Variants in FAT3 observed in about 807,000 individuals in gnomAD.
FAT3 encodes the protein FAT atypical cadherin 3.
Under a neutral mutation model 310.2 loss-of-function variants are expected in FAT3, and 95 were observed. The observed-to-expected ratio is 0.31, with a 90% CI of 0.26 to 0.36. The LOEUF is 0.36. Among genes scored for constraint, FAT3 ranks in the 10% least tolerant of loss-of-function variants. FAT3 has a pLI of 1.00. For missense variants in FAT3, 5,408 were observed against 5,715.6 expected (o/e 0.95, Z 1.74); for synonymous variants, 2,314 against 2,192.9 (o/e 1.06, Z -1.54).
rs1280467073 is a variant in FAT3 at position 92,800,570 on chromosome 11, A to G, written c.7557A>G (p.Arg2519=). 8.7e-6 allele frequency: 14 copies of G among 1,613,704 alleles called. No homozygotes were observed. The highest frequency in any genetic ancestry group is 1.3e-5 in the African/African-American group (1 of 74,928). The change falls in exon 10 of 28, where the codon CGA becomes CGG. Residue 2519 remains arginine (R), a synonymous_variant. Coordinates refer to ENST00000525166, the MANE Select transcript of FAT3 (RefSeq NM_001367949.2). The part of the protein sequence containing the change: ...VAAGTKVIHV[R]ATDGDPGTYG... ...CAGGAACAAAGGTAATTCATGTTCGAGCCACAGATGGTGATCCAGGGACTT... is the reference window on the plus strand; with the variant it reads ...CAGGAACAAAGGTAATTCATGTTCGGGCCACAGATGGTGATCCAGGGACTT...
At chr11:92,629,000 T>C (rs1941443897) in intron 3 of FAT3, among the ~76,000 whole-genome samples, 1 of 152,252 alleles carries the variant, frequency 6.6e-6, no homozygotes, top group South Asian at 2.1e-4. Context: ...CTTTTCATAA[T>C]GTGGTAGAAC....
At chr11:92,652,948 A>C (rs943784335) in intron 3 of FAT3, among the ~76,000 whole-genome samples, 1 of 152,130 alleles carries the variant, frequency 6.6e-6, no homozygotes, top group African/African-American at 2.4e-5. Context: ...AGATCACCTG[A>C]GGTCAGGAGT....
rs147032328 is a variant in FAT3 at position 92,357,192 on chromosome 11, A to G, written c.3292+1788A>G. On this transcript the variant is annotated intron_variant, in intron 2 of 27. Transcript: ENST00000525166. The stretch of plus-strand genomic sequence containing the variant: ...ACAATGAGTTCATCGAGTACTTACA[A>G]TGTGCCAGACACTGTACAGAGGGTT... Among the ~76,000 whole-genome samples the G allele has an allele frequency of 1.6e-3, 244 of 152,300 alleles. 1 individual carries two copies. The highest frequency in any genetic ancestry group is 5.7e-3 in the African/African-American group (235 of 41,574).
In FAT3 at chr11:92,799,049, T is replaced by C; in HGVS notation, c.6036T>C (p.Asn2012=). ...AIVNAVGNRL[N]EPLKYSILNP... is the part of the protein sequence containing the mutation. ...TCAATGCAGTTGGAAATCGCCTTAA[T>C]GAGCCCTTAAAATACAGCATCTTAA... The change falls in exon 10 of 28, where the codon AAT becomes AAC. Residue 2012 remains asparagine (N), a synonymous_variant. Transcript: ENST00000525166. 5.6e-6 allele frequency: 9 copies of C among 1,613,960 alleles called. No individual in the cohort carries two copies. The highest frequency in any genetic ancestry group is 7.6e-6 in the Non-Finnish European group (9 of 1,179,876).
chr11:92,860,928 G>T (rs1949103644), intron 21 of FAT3, among the ~76,000 whole-genome samples: 1 of 152,154 alleles, frequency 6.6e-6, no homozygotes, highest in Non-Finnish European at 1.5e-5. Flanking sequence ...ATTCAACTCA[G>T]AATTCTAATT....
intron 2 of FAT3, among the ~76,000 whole-genome samples, chr11:92,519,509 A>G (rs933948054): frequency 1.8e-4 from 28 of 152,232 alleles, no homozygotes; most frequent in Middle Eastern, 3.4e-3. Flanking sequence ...AACATGACCT[A>G]TAAAAGAAAA....
At chr11:92,571,389 C>A (rs1042232257) in intron 3 of FAT3, among the ~76,000 whole-genome samples, 2 of 152,136 alleles carry the variant, frequency 1.3e-5, no homozygotes, top group Admixed American at 6.5e-5. Flanking sequence ...GAATTAGTGA[C>A]AAGCAGCAGC....
chr11:92,701,084 A>G (rs571233465), intron 4 of FAT3, among the ~76,000 whole-genome samples: 36 of 152,252 alleles, frequency 2.4e-4, no homozygotes, highest in African/African-American at 8.7e-4. Context: ...CCTCCTGGAG[A>G]GTGTTTAATT....
At chr11:92,450,527 G>A (rs1312934712) in intron 2 of FAT3, among the ~76,000 whole-genome samples, 1 of 152,128 alleles carries the variant, frequency 6.6e-6, no homozygotes, top group Admixed American at 6.6e-5. Flanking sequence ...ACAAGGCCTT[G>A]GTTCCAACAC....
At chr11:92,329,646 G>A (rs1048521673) in intron 1 of FAT3, among the ~76,000 whole-genome samples, 2 of 13,002 alleles carry the variant, frequency 1.5e-4, no homozygotes, top group Non-Finnish European at 3.2e-4. Flanking sequence ...ACACACTACT[G>A]TGAAGGTGTA....
chr11:92,748,142 C>T (rs1334580802), intron 4 of FAT3, among the ~76,000 whole-genome samples: 3 of 152,186 alleles, frequency 2.0e-5, no homozygotes, highest in South Asian at 4.1e-4. Context: ...AATTGACTCA[C>T]AGTTCCATAT....
intron 8 of FAT3, among the ~76,000 whole-genome samples, chr11:92,790,892 C>G (rs1947024463): frequency 6.6e-6 from 1 of 152,148 alleles, no homozygotes; most frequent in Admixed American, 6.5e-5. Flanking sequence ...CTTCAACCAC[C>G]CAAGAATCTC....
At chr11:92,235,042 G>A (rs1292258273) in intron 1 of FAT3, among the ~76,000 whole-genome samples, 1 of 151,426 alleles carries the variant, frequency 6.6e-6, no homozygotes, top group Non-Finnish European at 1.5e-5. Flanking sequence ...CTGCACTCCA[G>A]CCTGGGTGGC....
chr11:92,811,500 A>G (rs111633982), intron 13 of FAT3, among the ~76,000 whole-genome samples: 2,039 of 152,148 alleles, frequency 0.013, 50 homozygotes, highest in African/African-American at 0.046. Context: ...GGTGTTACTG[A>G]CTCACAGACG....
At chr11:92,766,409 G>A (rs1016277652) in intron 6 of FAT3, among the ~76,000 whole-genome samples, 1 of 152,184 alleles carries the variant, frequency 6.6e-6, no homozygotes, top group Non-Finnish European at 1.5e-5. Flanking sequence ...GATAGGATGG[G>A]CAGGAACCTG....
intron 3 of FAT3, among the ~76,000 whole-genome samples, chr11:92,642,078 C>T (rs1941985478): frequency 6.6e-6 from 1 of 152,180 alleles, no homozygotes; most frequent in African/African-American, 2.4e-5. Context: ...TGTGGCAGGT[C>T]ATGAAATGCA....
intron 4 of FAT3, among the ~76,000 whole-genome samples, chr11:92,700,831 C>T (rs1240690899): frequency 2.0e-5 from 3 of 152,208 alleles, no homozygotes; most frequent in African/African-American, 7.2e-5. Context: ...GTCTCACTCT[C>T]ACTCCCTAAA....
intron 3 of FAT3, among the ~76,000 whole-genome samples, chr11:92,551,791 G>T (rs145972629): frequency 6.6e-6 from 1 of 151,864 alleles, no homozygotes; most frequent in Non-Finnish European, 1.5e-5. Flanking sequence ...TTCAACTTTC[G>T]GGTTTCTTTA....
chr11:92,603,822 A>G (rs559531407), intron 3 of FAT3, among the ~76,000 whole-genome samples: 2 of 152,368 alleles, frequency 1.3e-5, no homozygotes. Flanking sequence ...GTGCTTTTAA[A>G]ATACGTTCTT....
Sources: gnomAD v4.1 joint callset for allele counts (sites outside exome capture counted in the v4.1 genomes callset) on GRCh38, gnomAD v4.1.1 for gene constraint, MANE v1.5 for transcripts, NCBI Gene and HGNC (gene_info 2026-07-23, HGNC 2026-07-21) for gene names.